STEAP1B: variants seen among roughly 807,000 people sequenced by gnomAD.
STEAP1B encodes STEAP family member 1B, also known as STEAP family protein MGC87042.
A neutral mutation model predicts 27.9 loss-of-function variants in STEAP1B; 13 were observed. The ratio of observed to expected loss-of-function variants is 0.47; its 90% CI spans 0.30 to 0.74. The LOEUF (loss-of-function observed/expected upper bound fraction) is 0.74, where lower values mean the gene tolerates loss of function less well. Ranked by LOEUF, STEAP1B falls within the 30% of genes least tolerant of loss-of-function variation. The pLI is 0.06. For synonymous variants in STEAP1B, 86 were observed against 107.1 expected (o/e 0.80, Z 1.22); for missense variants, 250 against 298.7 (o/e 0.84, Z 1.20).
Position 22,438,789 on chromosome 7 carries a change from C to A in STEAP1B, c.763-18953G>T, listed in dbSNP as rs1455490372. 7.2e-6 allele frequency: 11 copies of A among 1,531,574 alleles called. No homozygotes were observed. The East Asian group carries it at 2.5e-4, about 34-fold the overall frequency. 94.9% of individuals were successfully genotyped at this position (1,531,574 alleles called of 1,614,324 possible). ...TGAAAAGAAATGATACATTTGGTGCCTGTGTAAAGTATGTGGGAATTAAAA... is the reference window on the plus strand; with the variant it reads ...TGAAAAGAAATGATACATTTGGTGCATGTGTAAAGTATGTGGGAATTAAAA... On this transcript the variant is annotated intron_variant, in intron 4 of 4. Transcript: ENST00000678116.
chr7:22,456,986 T>A (rs1200439530), intron 4 of STEAP1B, among the ~76,000 whole-genome samples: 3 of 91,134 alleles, frequency 3.3e-5, no homozygotes, highest in African/African-American at 1.3e-4. Context: ...TTTTTTTTTT[T>A]AAGTATCCTG....
chr7:22,469,720 T>C (rs1228115770), intron 4 of STEAP1B, among the ~76,000 whole-genome samples: 1 of 152,216 alleles, frequency 6.6e-6, no homozygotes, highest in Non-Finnish European at 1.5e-5. Flanking sequence ...TAATAGGCTC[T>C]ACCATCTAGG....
intron 4 of STEAP1B, chr7:22,438,395 A>C: frequency 1.5e-6 from 2 of 1,342,960 alleles, no homozygotes; most frequent in African/African-American, 2.9e-5. Context: ...AGTTTGGTAG[A>C]TGTCCACTTT....
chr7:22,456,972 A>ATATATATATATATATATT, intron 4 of STEAP1B, among the ~76,000 whole-genome samples: 14 of 57,076 alleles, frequency 2.5e-4, no homozygotes, highest in African/African-American at 9.8e-4. Flanking sequence ...ATATATATAT[A>ATATATATATATATATATT]TTTTTTTTTT....
intron 4 of STEAP1B, among the ~76,000 whole-genome samples, chr7:22,458,143 T>C (rs1358452134): frequency 7.9e-5 from 12 of 152,242 alleles, no homozygotes; most frequent in Admixed American, 7.8e-4. Flanking sequence ...GCTCTGCTTC[T>C]TCATTCAATA....
intron 4 of STEAP1B, chr7:22,492,319 C>CAAAAAAAAAAAAAAAAAAAAAAAAAAAA (rs56679156): frequency 1.8e-5 from 1 of 54,416 alleles, no homozygotes; most frequent in Non-Finnish European, 2.8e-5. Flanking sequence ...ACTTCATCTC[C>CAAAAAAAAAAAAAAAAAAAAAAAAAAAA]AAAAAAAAAA....
At chr7:22,442,849 G>A (rs1285191652) in intron 4 of STEAP1B, among the ~76,000 whole-genome samples, 16 of 152,116 alleles carry the variant, frequency 1.1e-4, no homozygotes, top group Admixed American at 1.0e-3. Context: ...TAGGAGTGAT[G>A]GAGACACATT....
intron 4 of STEAP1B, among the ~76,000 whole-genome samples, chr7:22,475,660 T>G (rs1785959496): frequency 6.6e-6 from 1 of 152,296 alleles, no homozygotes; most frequent in Admixed American, 6.5e-5. Flanking sequence ...GAGCTTTCCC[T>G]GAGAATGACC....
At chr7:22,488,223 A>G (rs1420777790) in intron 4 of STEAP1B, among the ~76,000 whole-genome samples, 1 of 152,190 alleles carries the variant, frequency 6.6e-6, no homozygotes, top group Admixed American at 6.5e-5. Context: ...GCCTGGGCAC[A>G]TGCTGTTTCC....
intron 4 of STEAP1B, among the ~76,000 whole-genome samples, chr7:22,440,187 C>G (rs559060891): frequency 6.6e-6 from 1 of 151,998 alleles, no homozygotes; most frequent in Non-Finnish European, 1.5e-5. Context: ...TCTACCAGAT[C>G]GAGGGGGGAA....
At chr7:22,447,203 G>C (rs949311123) in intron 4 of STEAP1B, among the ~76,000 whole-genome samples, 2 of 151,978 alleles carry the variant, frequency 1.3e-5, no homozygotes, top group African/African-American at 4.8e-5. Context: ...CTCAGTAATG[G>C]GCAAAAACCT....
chr7:22,463,004 G>T (rs1442041089), intron 4 of STEAP1B, among the ~76,000 whole-genome samples: 1 of 114,702 alleles, frequency 8.7e-6, no homozygotes, highest in East Asian at 2.5e-4. Flanking sequence ...ATTTTTTCAT[G>T]TGTTTTTTGG....
chr7:22,464,560 G>C (rs1317346871), intron 4 of STEAP1B, among the ~76,000 whole-genome samples: 1 of 152,122 alleles, frequency 6.6e-6, no homozygotes, highest in Non-Finnish European at 1.5e-5. Flanking sequence ...TTTGGAGACA[G>C]TGCCTTTAAG....
chr7:22,477,985 G>C (rs1172094828), intron 4 of STEAP1B, among the ~76,000 whole-genome samples: 1 of 152,160 alleles, frequency 6.6e-6, no homozygotes, highest in African/African-American at 2.4e-5. Context: ...TCCGTGCCAA[G>C]GTGCTGTGCT....
chr7:22,474,801 C>T (rs892218015), intron 4 of STEAP1B, among the ~76,000 whole-genome samples: 1 of 152,176 alleles, frequency 6.6e-6, no homozygotes, highest in Admixed American at 6.5e-5. Flanking sequence ...ATCGCCTCTC[C>T]CTGACAGCTC....
intron 4 of STEAP1B, among the ~76,000 whole-genome samples, chr7:22,429,005 A>G (rs1785144480): frequency 6.6e-6 from 1 of 152,206 alleles, no homozygotes; most frequent in African/African-American, 2.4e-5. Context: ...ATTGACCCCA[A>G]AACTTTTTTG....
At chr7:22,479,147 C>T (rs1786022918) in intron 4 of STEAP1B, among the ~76,000 whole-genome samples, 1 of 152,166 alleles carries the variant, frequency 6.6e-6, no homozygotes, top group Non-Finnish European at 1.5e-5. Flanking sequence ...GTCATCCATC[C>T]TACATTATTA....
intron 4 of STEAP1B, among the ~76,000 whole-genome samples, chr7:22,486,932 C>T (rs1448347386): frequency 6.6e-6 from 1 of 152,112 alleles, no homozygotes; most frequent in Non-Finnish European, 1.5e-5. Context: ...GGAAGGTGTC[C>T]GTAAAGCTGT....
intron 4 of STEAP1B, among the ~76,000 whole-genome samples, chr7:22,442,415 G>A (rs182552746): frequency 6.6e-4 from 101 of 152,360 alleles, no homozygotes; most frequent in Admixed American, 5.9e-4. Flanking sequence ...ACTAAAAACC[G>A]GATACTCTCT....
Sources: gnomAD v4.1 joint callset for allele counts (sites outside exome capture counted in the v4.1 genomes callset) on GRCh38, gnomAD v4.1.1 for gene constraint, MANE v1.5 for transcripts, NCBI Gene and HGNC (gene_info 2026-07-23, HGNC 2026-07-21) for gene names.